Variants in ATP2B2 observed in about 807,000 individuals in gnomAD.
ATP2B2 encodes the protein ATPase plasma membrane Ca2+ transporting 2, also known as plasma membrane calcium-transporting ATPase 2.
A neutral mutation model predicts 120.0 loss-of-function variants in ATP2B2; 15 were observed. The ratio of observed to expected loss-of-function variants is 0.12; its 90% CI spans 0.08 to 0.19. The LOEUF is 0.19. ATP2B2 is among the 10% of genes least tolerant of loss of function. ATP2B2 has a pLI of 1.00. For synonymous variants in ATP2B2, 694 were observed against 700.3 expected, an observed-to-expected ratio of 0.99 and a Z score of 0.14; for missense variants, 1,045 against 1,719.8, an observed-to-expected ratio of 0.61 and a Z score of 6.94.
chr3:10,337,669 C>T (rs1045601570), intron 22 of ATP2B2, among the ~76,000 whole-genome samples: 1 of 152,102 alleles, frequency 6.6e-6, no homozygotes, highest in African/African-American at 2.4e-5. Context: ...GGATGACTGA[C>T]CTTTGCTCCC....
chr3:10,557,095 C>T (rs2067797592), intron 2 of ATP2B2, among the ~76,000 whole-genome samples: 2 of 152,140 alleles, frequency 1.3e-5, no homozygotes, highest in Non-Finnish European at 2.9e-5. Context: ...TTCCCTTCTC[C>T]CTCTCCTGGC....
intron 2 of ATP2B2, among the ~76,000 whole-genome samples, chr3:10,609,646 CT>C (rs1161796315): frequency 1.3e-5 from 2 of 152,150 alleles, no homozygotes; most frequent in African/African-American, 2.4e-5. Flanking sequence ...AGGGTTAACC[CT>C]TTAAGAGCCA....
chr3:10,556,128 G>A (rs2067773259), intron 2 of ATP2B2, among the ~76,000 whole-genome samples: 1 of 152,176 alleles, frequency 6.6e-6, no homozygotes. Flanking sequence ...TCAAACTCCG[G>A]ACCTGAAGTG....
chr3:10,370,271 C>T (rs1205142701), intron 12 of ATP2B2, among the ~76,000 whole-genome samples: 5 of 152,274 alleles, frequency 3.3e-5, no homozygotes, highest in South Asian at 2.1e-4. Context: ...GCCCACCCCA[C>T]AGGGCTGTGC....
chr3:10,465,652 T>C (rs2064704678), intron 1 of ATP2B2, among the ~76,000 whole-genome samples: 1 of 152,248 alleles, frequency 6.6e-6, no homozygotes, highest in Admixed American at 6.5e-5. Context: ...ACTTACTCCC[T>C]GCCCCTGTAG....
intron 2 of ATP2B2, among the ~76,000 whole-genome samples, chr3:10,571,535 C>T (rs2068127334): frequency 6.6e-6 from 1 of 152,208 alleles, no homozygotes; most frequent in East Asian, 1.9e-4. Context: ...TGGACATGGG[C>T]ATGGGACCAT....
intron 3 of ATP2B2, among the ~76,000 whole-genome samples, chr3:10,524,659 C>T (rs1354050612): frequency 6.6e-6 from 1 of 152,158 alleles, no homozygotes; most frequent in Non-Finnish European, 1.5e-5. Flanking sequence ...TATTACTTCC[C>T]TCCCTCATGT....
At chr3:10,393,409 T>C (rs1221912455) in intron 5 of ATP2B2, among the ~76,000 whole-genome samples, 1 of 152,142 alleles carries the variant, frequency 6.6e-6, no homozygotes, top group Non-Finnish European at 1.5e-5. Context: ...ATTCATGATG[T>C]GCCAAGTTCC....
rs529052966 is a variant in ATP2B2, at chr3:10,597,014, CGCACACAG to C, written c.-415+22895_-415+22902del. ...AGGTGCACACGCACACAGGCACACA[CGCACACAG>C]GCACACACCCAGACACACACAGGTG... On this transcript the variant is annotated intron_variant, in intron 2 of 21. Transcript: ENST00000646379. Among the ~76,000 whole-genome samples the C allele has an allele frequency of 5.4e-3, 816 of 151,180 alleles. 7 individuals are homozygous for C. Among genetic ancestry groups the C allele is most frequent in the South Asian group, 0.041 (193 of 4,752 alleles).
intron 2 of ATP2B2, among the ~76,000 whole-genome samples, chr3:10,420,671 GT>G (rs1189578504): frequency 6.6e-6 from 1 of 152,212 alleles, no homozygotes; most frequent in Admixed American, 6.5e-5. Flanking sequence ...CTGGGCCTTG[GT>G]TTTTTCACGT....
At chr3:10,540,172 C>A (rs1019063207) in intron 2 of ATP2B2, among the ~76,000 whole-genome samples, 1 of 152,114 alleles carries the variant, frequency 6.6e-6, no homozygotes, top group Non-Finnish European at 1.5e-5. Context: ...CAATGAGATA[C>A]CATCTCACAC....
intron 18 of ATP2B2, 102 bp downstream of exon 18, chr3:10,345,282 G>T: frequency 7.4e-7 from 1 of 1,357,116 alleles, no homozygotes; most frequent in Non-Finnish European, 1.0e-6. Flanking sequence ...CTCATCCCCG[G>T]CTGTTCTGAC....
At chr3:10,603,703 C>T (rs981622661) in intron 2 of ATP2B2, among the ~76,000 whole-genome samples, 2 of 151,986 alleles carry the variant, frequency 1.3e-5, no homozygotes, top group Admixed American at 6.5e-5. Flanking sequence ...GCCCAGATCA[C>T]GGGGGTAGGG....
intron 3 of ATP2B2, among the ~76,000 whole-genome samples, chr3:10,527,620 T>C (rs2067123767): frequency 6.6e-6 from 1 of 152,134 alleles, no homozygotes; most frequent in Non-Finnish European, 1.5e-5. Context: ...CTCCTTATAC[T>C]CTTTCCATCT....
intron 1 of ATP2B2, among the ~76,000 whole-genome samples, chr3:10,653,064 C>T (rs1232347179): frequency 2.0e-5 from 3 of 152,104 alleles, no homozygotes; most frequent in African/African-American, 7.2e-5. Flanking sequence ...GAACTGTACA[C>T]CTAAAAACTG....
chr3:10,536,938 AT>A (rs1485189638), intron 2 of ATP2B2, among the ~76,000 whole-genome samples: 3 of 152,130 alleles, frequency 2.0e-5, no homozygotes, highest in Non-Finnish European at 2.9e-5. Flanking sequence ...AGTTATTATC[AT>A]TTTCATTATT....
intron 2 of ATP2B2, among the ~76,000 whole-genome samples, chr3:10,412,620 C>T (rs2125027075): frequency 6.6e-6 from 1 of 152,282 alleles, no homozygotes; most frequent in African/African-American, 2.4e-5. Context: ...GGCCCTCTGC[C>T]TTTACTTGCC....
intron 2 of ATP2B2, among the ~76,000 whole-genome samples, chr3:10,546,420 C>T (rs546749200): frequency 6.6e-6 from 1 of 152,214 alleles, no homozygotes; most frequent in East Asian, 1.9e-4. Context: ...CCACCCTGCC[C>T]AGCCCCTCTG....
At chr3:10,525,557 T>C (rs2125462598) in intron 3 of ATP2B2, among the ~76,000 whole-genome samples, 1 of 152,240 alleles carries the variant, frequency 6.6e-6, no homozygotes, top group Middle Eastern at 3.4e-3. Context: ...ATTTCCTCTG[T>C]TTTTGCCTAA....
Sources: gnomAD v4.1 joint callset for allele counts (sites outside exome capture counted in the v4.1 genomes callset) on GRCh38, gnomAD v4.1.1 for gene constraint, MANE v1.5 for transcripts, NCBI Gene and HGNC (gene_info 2026-07-23, HGNC 2026-07-21) for gene names.